CLUH: variants seen among roughly 807,000 people sequenced by gnomAD.
CLUH encodes the protein clustered mitochondria protein homolog.
A neutral mutation model predicts 139.3 loss-of-function variants in CLUH; 77 were observed. The ratio of observed to expected loss-of-function variants is 0.55; its 90% CI spans 0.46 to 0.67. The LOEUF is 0.67. CLUH is among the 30% of genes least tolerant of loss of function. The pLI, the probability that CLUH is intolerant of heterozygous loss-of-function variation, is 0.00. For synonymous variants in CLUH, 999 were observed against 801.6 expected (o/e 1.25, Z -4.16); for missense variants, 1,876 against 1,875.8 (o/e 1.00, Z 0.00).
chr17:2,700,104 C>T (rs113937931), intron 9 of CLUH, among the ~76,000 whole-genome samples: 5,289 of 152,368 alleles, frequency 0.035, 311 homozygotes, highest in African/African-American at 0.12. Context: ...TCACAGAGGG[C>T]GGGAAGCTGC....
rs1335344471 is a variant in CLUH, at chr17:2,701,537, G to A, written c.745-17C>T. On this transcript the variant is annotated splice_polypyrimidine_tract_variant and intron_variant, in intron 5 of 25. Transcript: ENST00000651024. ...CTGCAAGGGCTTCGGGAGCGGCCGA[G>A]TCTGAGGGGCCAGGCCTCTGGTGTG... is the stretch of plus-strand genomic sequence containing the variant. 6.2e-7 allele frequency: 1 copy of A among 1,613,472 alleles called. No individual in the cohort carries two copies. The highest frequency in any genetic ancestry group is 1.3e-5 in the African/African-American group (1 of 74,932).
rs761215867 is a variant in CLUH at position 2,698,159 on chromosome 17, G to C, written c.1698C>G (p.Leu566=). 27 of 1,578,196 alleles carry C rather than the reference G, an allele frequency of 1.7e-5. No individual in the cohort carries two copies. Among genetic ancestry groups the C allele is most frequent in the African/African-American group, 5.4e-5 (4 of 74,132 alleles). ...TGAGCACCTGGTGCCGCAGGATCTT[G>C]AGGGGCCGACTCGTGCGCTCCAGCA... The part of the protein sequence containing the change: ...LELLERTSRP[L]KILRHQVLND... Residue 566 remains leucine (L), a synonymous_variant, in exon 10 of 26, where the codon CTC becomes CTG. Coordinates refer to ENST00000651024, the MANE Select transcript of CLUH (RefSeq NM_001366661.1).
In CLUH at chr17:2,698,461, G is replaced by A. The variant is rs569930452; in HGVS notation, c.1396C>T (p.Leu466=). 6 of 1,613,336 alleles carry A rather than the reference G, an allele frequency of 3.7e-6. No individual in the cohort carries two copies. In the East Asian group the frequency reaches 8.9e-5, roughly 24 times the overall value. Residue 466 remains leucine, a synonymous_variant, in exon 10 of 26, where the codon CTG becomes TTG. Transcript: ENST00000651024. ...TAGTGGTCTCGGACGTCGAAGCCCA[G>A]GCTGAAGAAGATGTTGTTCCAGATG... is the stretch of plus-strand genomic sequence containing the variant. ...MFIWNNIFFS[L]GFDVRDHYKD... is the part of the protein sequence containing the mutation.
chr17:2,698,800 T>C (rs1189918692), intron 9 of CLUH, among the ~76,000 whole-genome samples: 4 of 152,090 alleles, frequency 2.6e-5, no homozygotes, highest in Non-Finnish European at 5.9e-5. Flanking sequence ...TCCCAGCACT[T>C]TGAGGGGCCG....
rs113297606 is a variant in CLUH, at chr17:2,689,609, C to A, written c.*985G>T. 678 of 153,428 alleles carry A rather than the reference C, an allele frequency of 4.4e-3. No homozygotes were observed. Among genetic ancestry groups the A allele is most frequent in the Middle Eastern group, 9.9e-3 (3 of 302 alleles). The allele number at this position is 153,428 out of a possible 1,614,324, so 9.5% of individuals were successfully genotyped here. A position where few individuals can be genotyped will look rare whatever the true frequency, so the allele number is the denominator to read the frequency against. ...GTCTCAGGGTGGCCACATCCTCCCC[C>A]ACCAGGGCTCTGACAGCAGGCACAG... is the stretch of plus-strand genomic sequence containing the variant. On this transcript the variant is annotated 3_prime_UTR_variant, in exon 26 of 26. Transcript: ENST00000651024.
At chr17:2,699,944 TC>T (rs2070114816) in intron 9 of CLUH, among the ~76,000 whole-genome samples, 1 of 152,212 alleles carries the variant, frequency 6.6e-6, no homozygotes, top group South Asian at 2.1e-4. Flanking sequence ...ATTTTTTTTT[TC>T]TTAAGCAACT....
chr17:2,709,933 C>T (rs2070462112), intron 1 of CLUH, among the ~76,000 whole-genome samples: 2 of 152,154 alleles, frequency 1.3e-5, no homozygotes. Flanking sequence ...CTGTGCCCTT[C>T]CCTGACTCAG....
intron 7 of CLUH, 101 bp downstream of exon 7, chr17:2,701,039 A>G (rs2070158374): frequency 1.3e-6 from 2 of 1,583,268 alleles, no homozygotes; most frequent in Admixed American, 3.5e-5. Flanking sequence ...CTGGGGGCCC[A>G]GGGCGGTTTC....
rs2070392454 is a variant in CLUH at position 2,707,837 on chromosome 17, G to A, written c.101-3273C>T. 2.6e-5 allele frequency: 26 copies of A among 985,338 alleles called. No individual in the cohort carries two copies. Among genetic ancestry groups the A allele is most frequent in the Non-Finnish European group, 3.1e-5 (26 of 829,938 alleles). The allele number at this position is 985,338 out of a possible 1,614,324, so 61.0% of individuals were successfully genotyped here. On this transcript the variant is annotated intron_variant, in intron 1 of 25. Transcript: ENST00000651024. This position sits in a 1 kb window ranked among gnomAD's most constrained non-coding sequence, Gnocchi z 7.4. ...GGACCTCTGGCTCCTGCTGCCCCCTGCAGGTGACCTGGCTGCCAGCCCCTT... is the reference window on the plus strand; with the variant it reads ...GGACCTCTGGCTCCTGCTGCCCCCTACAGGTGACCTGGCTGCCAGCCCCTT...
intron 1 of CLUH, among the ~76,000 whole-genome samples, chr17:2,710,345 A>T (rs1460308555): frequency 6.6e-6 from 1 of 152,228 alleles, no homozygotes; most frequent in Non-Finnish European, 1.5e-5. Flanking sequence ...GACAATCAGC[A>T]GTACTGCCCC....
rs756302003 is a variant in CLUH, at chr17:2,696,822, A to T, written c.2082T>A (p.Asp694Glu). ...CACTTCCCGCCTCCTGTCCTGGAGG[A>T]TCCTCAGACTTGGACTCCAAGGAGG... ...GPSSLESKSE[D>E]PPGQEAGSEE... Residue 694 changes from aspartate to glutamate, a missense_variant, in exon 11 of 26, where the codon GAT (aspartate) becomes GAA (glutamate). This residue lies in a region of CLUH where 1,454 missense variants were observed against 1,384.4 expected (regional missense o/e 1.05). Coordinates refer to ENST00000651024, the MANE Select transcript of CLUH (RefSeq NM_001366661.1). 8 of 1,613,520 alleles carry T rather than the reference A, an allele frequency of 5.0e-6. No individual in the cohort carries two copies. The Admixed American group carries it at 1.3e-4, about 27-fold the overall frequency.
chr17:2,690,630 CG>C lies in CLUH; in HGVS notation c.4010del (p.Pro1337ArgfsTer80). 6.6e-6 allele frequency: 10 copies of C among 1,506,970 alleles called. No individual in the cohort carries two copies. The highest frequency in any genetic ancestry group is 2.6e-5 in the East Asian group (1 of 38,566). 93.3% of individuals were successfully genotyped at this position (1,506,970 alleles called of 1,614,324 possible). ...GAPGDLGSQPPAAKDPSPSVQ... is the reference protein window; with the variant it reads ...GAPGDLGSQPXAAKDPSPSVQ... ...CGCTCGGAGAAGGGTCCTTGGCAGCCGGGGGCTGGGAGCCCAGGTCTCCTGG... is the reference window on the plus strand; with the variant it reads ...CGCTCGGAGAAGGGTCCTTGGCAGCCGGGGCTGGGAGCCCAGGTCTCCTGG... On this transcript the variant is annotated frameshift_variant, in exon 26 of 26. Coordinates refer to ENST00000651024, the MANE Select transcript of CLUH (RefSeq NM_001366661.1). LOFTEE classifies it high-confidence loss of function.
intron 9 of CLUH, among the ~76,000 whole-genome samples, chr17:2,698,955 G>A (rs1346095317): frequency 1.3e-5 from 2 of 152,066 alleles, no homozygotes; most frequent in Non-Finnish European, 1.5e-5. Flanking sequence ...GCTGAGGCAG[G>A]AGAATTGCTT....
intron 10 of CLUH, 95 bp from the exon 11 acceptor site, chr17:2,697,037 G>T: frequency 2.2e-6 from 2 of 909,362 alleles, no homozygotes; most frequent in Non-Finnish European, 1.7e-6. Flanking sequence ...TCCACACCCC[G>T]CAGGCATAGG....
intron 1 of CLUH, among the ~76,000 whole-genome samples, chr17:2,709,922 G>C (rs1434416644): frequency 6.6e-6 from 1 of 152,110 alleles, no homozygotes; most frequent in Non-Finnish European, 1.5e-5. Flanking sequence ...AAAACAAATA[G>C]CTGTGCCCTT....
intron 13 of CLUH, 101 bp downstream of exon 13, chr17:2,696,058 C>T (rs990852102): frequency 2.1e-6 from 2 of 961,264 alleles, no homozygotes; most frequent in African/African-American, 3.3e-5. Flanking sequence ...CTGAAAAAGT[C>T]ACTCCTGCGA....
At chr17:2,691,979 C>CCCCGCCCCCGCCCCGCCCCCGCCCCG (rs774888368) in intron 23 of CLUH, 25 bp downstream of exon 23, 2 of 710,030 alleles carry the variant, frequency 2.8e-6, no homozygotes, top group Non-Finnish European at 3.4e-6. Context: ...CCCGCCCCCG[C>CCCCGCCCCCGCCCCGCCCCCGCCCCG]CCCCGCCACG....
chr17:2,694,199 G>A lies in CLUH; in HGVS notation c.3015C>T (p.Pro1005=), dbSNP rs764583327. ...FTEEDVLNIF[P]VVKHVNPKAS... is the part of the protein sequence containing the mutation. ...CCTTGGGGTTGACGTGCTTGACCAC[G>A]GGGAAGATGTTGAGCACGTCCTCCT... The change falls in exon 18 of 26, where the codon CCC becomes CCT. Residue 1005 remains proline (P), a synonymous_variant. Coordinates refer to ENST00000651024, the MANE Select transcript of CLUH (RefSeq NM_001366661.1). 40 of 1,613,200 alleles carry A rather than the reference G, an allele frequency of 2.5e-5. No individual in the cohort carries two copies. Among genetic ancestry groups the A allele is most frequent in the African/African-American group, 5.3e-5 (4 of 74,900 alleles).
intron 10 of CLUH, among the ~76,000 whole-genome samples, chr17:2,697,401 GAA>G (rs79574930): frequency 5.5e-4 from 67 of 121,752 alleles, no homozygotes; most frequent in African/African-American, 1.9e-3. Context: ...CTCCGTCTCA[GAA>G]AAAAAAAAAA....
Sources: gnomAD v4.1 joint callset for allele counts (sites outside exome capture counted in the v4.1 genomes callset) on GRCh38, gnomAD v4.1.1 for gene constraint, gnomAD v4.1.1 regional missense constraint, Gnocchi (gnomAD v3.1) non-coding constraint, MANE v1.5 for transcripts, NCBI Gene and HGNC (gene_info 2026-07-23, HGNC 2026-07-21) for gene names.